Variants in TCF7L1 observed in about 807,000 individuals in gnomAD.
TCF7L1 encodes the protein transcription factor 7 like 1.
A neutral mutation model predicts 63.7 loss-of-function variants in TCF7L1; 18 were observed. The ratio of observed to expected loss-of-function variants is 0.28; its 90% CI spans 0.20 to 0.42. The LOEUF is 0.42. Ranked by LOEUF, TCF7L1 falls within the 10% of genes least tolerant of loss-of-function variation. The probability of loss-of-function intolerance (pLI) is 1.00; values close to 1 mark genes in which losing one functional copy is unlikely to be tolerated. For missense variants in TCF7L1, 654 were observed against 779.3 expected (o/e 0.84, Z 1.91); for synonymous variants, 355 against 340.9 (o/e 1.04, Z -0.46).
At chr2:85,222,970 TG>T (rs1392825221) in intron 3 of TCF7L1, among the ~76,000 whole-genome samples, 6 of 152,002 alleles carry the variant, frequency 3.9e-5, no homozygotes, top group African/African-American at 1.4e-4. Context: ...AAGGAGTGGG[TG>T]GGGGATGGAT....
chr2:85,278,615 T>C (rs1035211534), intron 3 of TCF7L1, among the ~76,000 whole-genome samples: 8 of 152,178 alleles, frequency 5.3e-5, no homozygotes, highest in Admixed American at 5.2e-4. Flanking sequence ...ACTGCTCCAA[T>C]GAAAACAATG....
chr2:85,173,812 C>G (rs1678611842), intron 3 of TCF7L1, among the ~76,000 whole-genome samples: 2 of 152,016 alleles, frequency 1.3e-5, no homozygotes, highest in Admixed American at 6.6e-5. Context: ...TCTCGGCTCA[C>G]TGCAACCTCT....
At chr2:85,218,717 T>C (rs981237792) in intron 3 of TCF7L1, among the ~76,000 whole-genome samples, 4 of 152,228 alleles carry the variant, frequency 2.6e-5, no homozygotes, top group African/African-American at 9.6e-5. Context: ...CTTGGATATT[T>C]ACCCAGGCTT....
intron 3 of TCF7L1, among the ~76,000 whole-genome samples, chr2:85,143,094 C>G (rs1677783568): frequency 6.6e-6 from 1 of 152,184 alleles, no homozygotes; most frequent in Non-Finnish European, 1.5e-5. Context: ...GGCAATAGCT[C>G]TAATTATCTG....
intron 3 of TCF7L1, among the ~76,000 whole-genome samples, chr2:85,283,270 C>G (rs1243944486): frequency 8.6e-6 from 1 of 116,172 alleles, no homozygotes; most frequent in East Asian, 2.2e-4. Context: ...TCGTGTCCCC[C>G]CCCCCAAAAT....
intron 3 of TCF7L1, among the ~76,000 whole-genome samples, chr2:85,158,981 A>T (rs949834913): frequency 1.3e-5 from 2 of 152,150 alleles, no homozygotes; most frequent in Admixed American, 1.3e-4. Context: ...CTGGTTACAA[A>T]TTGTCTTAAC....
chr2:85,241,437 GTTTT>G (rs772334481), intron 3 of TCF7L1, among the ~76,000 whole-genome samples: 2 of 83,028 alleles, frequency 2.4e-5, no homozygotes, highest in African/African-American at 3.8e-5. Flanking sequence ...CTTTGTTTTT[GTTTT>G]TTTTTTTTTT....
chr2:85,151,810 A>G (rs116298724), intron 3 of TCF7L1, among the ~76,000 whole-genome samples: 197 of 152,288 alleles, frequency 1.3e-3, no homozygotes, highest in African/African-American at 4.5e-3. Flanking sequence ...GATTGAAGCC[A>G]TATGTGGCCC....
chr2:85,159,686 G>T lies in TCF7L1; in HGVS notation c.441+25236G>T, dbSNP rs149814046. ...TTCAAGATCGCCTTCAGGCTTCCTT[G>T]ACCCAAGGCCTGTGGGAAGGCTTGC... is the stretch of plus-strand genomic sequence containing the variant. On this transcript the variant is annotated intron_variant, in intron 3 of 11. Transcript: ENST00000282111. 4.6e-5 allele frequency among the ~76,000 whole-genome samples: 7 copies of T among 152,318 alleles called. No homozygotes were observed. The East Asian group carries it at 1.2e-3, about 25-fold the overall frequency.
At chr2:85,261,878 C>T (rs530961500) in intron 3 of TCF7L1, among the ~76,000 whole-genome samples, 14 of 152,328 alleles carry the variant, frequency 9.2e-5, no homozygotes, top group African/African-American at 3.4e-4. Flanking sequence ...AAGACAGCAT[C>T]TCTTTTTTTG....
intron 3 of TCF7L1, among the ~76,000 whole-genome samples, chr2:85,215,430 A>G (rs549697915): frequency 6.6e-6 from 1 of 152,298 alleles, no homozygotes; most frequent in South Asian, 2.1e-4. Flanking sequence ...TTCCCACACA[A>G]CGCAACTTTT....
intron 3 of TCF7L1, among the ~76,000 whole-genome samples, chr2:85,237,880 T>C (rs537034718): frequency 8.9e-4 from 135 of 151,782 alleles, no homozygotes; most frequent in African/African-American, 3.1e-3. Context: ...TCTTCACATA[T>C]GGAGGACATG....
intron 3 of TCF7L1, among the ~76,000 whole-genome samples, chr2:85,187,721 T>C (rs1046239729): frequency 5.3e-5 from 8 of 152,252 alleles, no homozygotes; most frequent in African/African-American, 1.9e-4. Context: ...TCACAGTTAC[T>C]GGAGCTATAT....
At chr2:85,208,171 G>T (rs1679459195) in intron 3 of TCF7L1, among the ~76,000 whole-genome samples, 1 of 152,152 alleles carries the variant, frequency 6.6e-6, no homozygotes, top group Non-Finnish European at 1.5e-5. Context: ...CTCCCAAAGT[G>T]CTGGGATTAC....
chr2:85,278,709 A>G (rs1276316446), intron 3 of TCF7L1, among the ~76,000 whole-genome samples: 1 of 152,216 alleles, frequency 6.6e-6, no homozygotes, highest in African/African-American at 2.4e-5. Context: ...ACTGTGAACC[A>G]CAGTAGCAGA....
At chr2:85,255,541 G>A (rs1479723596) in intron 3 of TCF7L1, among the ~76,000 whole-genome samples, 1 of 152,178 alleles carries the variant, frequency 6.6e-6, no homozygotes, top group African/African-American at 2.4e-5. Context: ...GGGGCCTGAG[G>A]CACCTGCTTC....
chr2:85,307,771 A>T, intron 11 of TCF7L1, 54 bp downstream of exon 11: 1 of 1,512,138 alleles, frequency 6.6e-7, no homozygotes, highest in Admixed American at 1.7e-5. Flanking sequence ...TCACAGCCAC[A>T]CCTGCCCATG....
chr2:85,283,316 A>C (rs1297539118), intron 3 of TCF7L1, among the ~76,000 whole-genome samples, 179 bp from the exon 4 acceptor site: 1 of 148,118 alleles, frequency 6.8e-6, no homozygotes, highest in African/African-American at 2.6e-5. Flanking sequence ...GTGATTGTAA[A>C]TATATGCTCG....
chr2:85,220,682 T>C (rs887054860), intron 3 of TCF7L1, among the ~76,000 whole-genome samples: 2 of 152,214 alleles, frequency 1.3e-5, no homozygotes, highest in East Asian at 1.9e-4. Flanking sequence ...TATAACTAGA[T>C]GATAGTTTAT....
Sources: gnomAD v4.1 joint callset for allele counts (sites outside exome capture counted in the v4.1 genomes callset) on GRCh38, gnomAD v4.1.1 for gene constraint, MANE v1.5 for transcripts, NCBI Gene and HGNC (gene_info 2026-07-23, HGNC 2026-07-21) for gene names.